The following CACNB4 variants were observed in gnomAD, a reference collection of about 807,000 sequenced individuals.
CACNB4 encodes voltage-dependent L-type calcium channel subunit beta-4.
Under a neutral mutation model 71.2 loss-of-function variants are expected in CACNB4, and 32 were observed. That is an observed-to-expected ratio of 0.45 (90% CI 0.34 to 0.60). CACNB4 has a LOEUF of 0.60. CACNB4 is among the 20% of genes least tolerant of loss of function. The pLI is 0.01. For synonymous variants in CACNB4, 231 were observed against 236.9 expected (o/e 0.97, Z 0.23); for missense variants, 464 against 647.9 (o/e 0.72, Z 3.08).
At chr2:152,073,608 G>A (rs1433156198) in intron 2 of CACNB4, among the ~76,000 whole-genome samples, 1 of 152,160 alleles carries the variant, frequency 6.6e-6, no homozygotes, top group East Asian at 1.9e-4. Flanking sequence ...AATGTTAAGG[G>A]ATTGGAAAAC....
chr2:152,074,995 G>A (rs977409128), intron 2 of CACNB4, among the ~76,000 whole-genome samples: 3 of 152,174 alleles, frequency 2.0e-5, no homozygotes, highest in Non-Finnish European at 4.4e-5. Flanking sequence ...GCTTTAAAAT[G>A]TCAGACTTCC....
rs753866507 is a variant in CACNB4 at position 152,098,434 on chromosome 2, C to T, written c.64-21G>A. 2.0e-5 allele frequency: 32 copies of T among 1,601,468 alleles called. No individual in the cohort carries two copies. The Admixed American group carries it at 3.8e-4, about 19-fold the overall frequency. On this transcript the variant is annotated intron_variant, in intron 1 of 13. Coordinates refer to ENST00000539935, the MANE Select transcript of CACNB4 (RefSeq NM_000726.5). The surrounding 1 kb of genome is among the most constrained non-coding windows in gnomAD (Gnocchi z 5.3). ...GCCACCTGGACTCGACACACGGGGG[C>T]CAGAGAGAAGCCGGTGAGGACCGCA...
chr2:151,964,947 C>CT (rs2099870680), intron 2 of CACNB4, among the ~76,000 whole-genome samples: 1 of 1,582 alleles, frequency 6.3e-4, no homozygotes, highest in Non-Finnish European at 9.4e-3. Flanking sequence ...TTTCTGTGCT[C>CT]CCTACCTTAT....
chr2:151,870,906 C>A (rs780903482), intron 6 of CACNB4, 45 bp from the exon 7 acceptor site: 53 of 1,438,830 alleles, frequency 3.7e-5, no homozygotes, highest in South Asian at 1.2e-4. Context: ...GTAAACTCTG[C>A]AAATGACAGT....
intron 2 of CACNB4, among the ~76,000 whole-genome samples, chr2:152,093,691 G>A (rs185493352): frequency 1.3e-3 from 198 of 152,238 alleles, no homozygotes; most frequent in Non-Finnish European, 2.4e-3. Flanking sequence ...AAACTGAGCC[G>A]CTGCCAAAAG....
chr2:151,904,840 A>C lies in CACNB4; in HGVS notation c.148-21470T>G, dbSNP rs183690234. On this transcript the variant is annotated intron_variant, in intron 2 of 13. Transcript: ENST00000539935. ...AGGAGTTACCGCGCCCAGCTGAGAC[A>C]TCTTTTAAGAACTGAATTTGAAATA... Among the ~76,000 whole-genome samples the C allele has an allele frequency of 2.7e-3, 414 of 152,306 alleles. 3 individuals carry two copies. Among genetic ancestry groups the C allele is most frequent in the Non-Finnish European group, 4.9e-3 (330 of 68,014 alleles).
chr2:152,048,085 T>C (rs1050850024), intron 2 of CACNB4, among the ~76,000 whole-genome samples: 3 of 152,266 alleles, frequency 2.0e-5, no homozygotes, highest in South Asian at 2.1e-4. Context: ...TCAAGTTCAG[T>C]TGGGTAACAC....
chr2:152,008,187 G>C (rs1682841739), intron 2 of CACNB4, among the ~76,000 whole-genome samples: 1 of 151,226 alleles, frequency 6.6e-6, no homozygotes, highest in Admixed American at 6.6e-5. Flanking sequence ...TCTAACACTT[G>C]TTCTTTTTTT....
At chr2:151,924,645 C>A (rs2099859798) in intron 2 of CACNB4, among the ~76,000 whole-genome samples, 1 of 151,740 alleles carries the variant, frequency 6.6e-6, no homozygotes, top group Non-Finnish European at 1.5e-5. Flanking sequence ...TATTAGGAAT[C>A]CCTAAGAAGC....
intron 2 of CACNB4, among the ~76,000 whole-genome samples, chr2:151,976,551 A>C (rs780514777): frequency 6.6e-6 from 1 of 152,144 alleles, no homozygotes; most frequent in Non-Finnish European, 1.5e-5. Context: ...ATCAGATCAC[A>C]GGTTGGGGAG....
Position 151,836,756 on chromosome 2 carries a change from G to A in CACNB4, c.*2363C>T, listed in dbSNP as rs991432639. The A allele has an allele frequency of 2.6e-5, 4 of 151,856 alleles. No individual in the cohort carries two copies. Among genetic ancestry groups the A allele is most frequent in the African/African-American group, 9.7e-5 (4 of 41,414 alleles). 9.4% of individuals were successfully genotyped at this position (151,856 alleles called of 1,614,324 possible). ...TTTAAAAACAAGTGACTTTTAAAAA[G>A]TTGAAAGAAGATGGTAATCTTGATG... On this transcript the variant is annotated 3_prime_UTR_variant, in exon 14 of 14. Transcript: ENST00000539935.
intron 2 of CACNB4, among the ~76,000 whole-genome samples, chr2:151,924,291 G>T (rs2099859698): frequency 6.6e-6 from 1 of 151,398 alleles, no homozygotes; most frequent in South Asian, 2.1e-4. Context: ...TGTTAGCCAG[G>T]ATGGTCTTGA....
rs921402164 is a variant in CACNB4 at position 152,098,447 on chromosome 2, G to A, written c.64-34C>T. ...GACACACGGGGGCCAGAGAGAAGCC[G>A]GTGAGGACCGCAGCGCAGAGCGGGG... On this transcript the variant is annotated intron_variant, in intron 1 of 13. Transcript: ENST00000539935. This position sits in a 1 kb window ranked among gnomAD's most constrained non-coding sequence, Gnocchi z 5.3. 3.2e-6 allele frequency: 5 copies of A among 1,570,596 alleles called. 1 individual carries two copies. The East Asian group carries it at 9.0e-5, about 28-fold the overall frequency.
At chr2:152,070,318 T>C (rs183444612) in intron 2 of CACNB4, among the ~76,000 whole-genome samples, 32 of 152,278 alleles carry the variant, frequency 2.1e-4, no homozygotes, top group African/African-American at 7.5e-4. Context: ...AAACCAAATA[T>C]ACCCGTCTCT....
At chr2:151,887,179 T>C (rs2151466151) in intron 2 of CACNB4, among the ~76,000 whole-genome samples, 1 of 151,972 alleles carries the variant, frequency 6.6e-6, no homozygotes, top group African/African-American at 2.4e-5. Flanking sequence ...AAAGACCTGA[T>C]GGAAGCCCCA....
intron 2 of CACNB4, among the ~76,000 whole-genome samples, chr2:151,980,612 G>A (rs2099874533): frequency 6.6e-6 from 1 of 152,182 alleles, no homozygotes; most frequent in Non-Finnish European, 1.5e-5. Flanking sequence ...TGATGGCCCT[G>A]AGCTCCTTGG....
intron 2 of CACNB4, among the ~76,000 whole-genome samples, chr2:152,078,389 A>G (rs1687158661): frequency 6.6e-6 from 1 of 152,212 alleles, no homozygotes; most frequent in South Asian, 2.1e-4. Flanking sequence ...CATTTGAAGG[A>G]AATGCTTCTA....
At chr2:151,914,021 G>A (rs946207172) in intron 2 of CACNB4, among the ~76,000 whole-genome samples, 4 of 152,176 alleles carry the variant, frequency 2.6e-5, no homozygotes, top group African/African-American at 4.8e-5. Context: ...ACGTTGGCCT[G>A]TCTTGCTAGG....
In CACNB4 at chr2:151,948,350, T is replaced by G. The variant is rs373853704; in HGVS notation, c.148-64980A>C. 1.5e-4 allele frequency among the ~76,000 whole-genome samples: 23 copies of G among 152,302 alleles called. No individual in the cohort carries two copies. In the South Asian group the frequency reaches 4.8e-3, roughly 32 times the overall value. ...CAGTCTTGAATGTCCCTTTCTGTGC[T>G]CTGACCTGAAGGTCCTAAAAACAGT... On this transcript the variant is annotated intron_variant, in intron 2 of 13. Transcript: ENST00000539935.
Sources: allele counts gnomAD v4.1 joint callset (sites outside exome capture counted in the v4.1 genomes callset), GRCh38; gene constraint gnomAD v4.1.1; non-coding constraint Gnocchi (gnomAD v3.1); transcripts MANE v1.5; gene names NCBI Gene and HGNC (gene_info 2026-07-23, HGNC 2026-07-21).